GFUS: variants seen among roughly 807,000 people sequenced by gnomAD.
GFUS encodes 3-5 epimerase/4-reductase.
Under a neutral mutation model 41.5 loss-of-function variants are expected in GFUS, and 42 were observed. The observed-to-expected ratio is 1.01, with a 90% confidence interval of 0.79 to 1.31. The LOEUF is 1.31. GFUS is among the 50% of genes most tolerant of loss of function. The pLI, the probability that GFUS is intolerant of heterozygous loss-of-function variation, is 0.00. For missense variants in GFUS, 437 were observed against 428.7 expected, an observed-to-expected ratio of 1.02 and a Z score of -0.17; for synonymous variants, 188 against 173.4, an observed-to-expected ratio of 1.08 and a Z score of -0.66.
chr8:143,614,285 T>A (rs1426948781), intron 6 of GFUS, 35 bp downstream of exon 6: 2 of 1,613,674 alleles, frequency 1.2e-6, no homozygotes, highest in African/African-American at 1.3e-5. Flanking sequence ...CCTCCCGAGC[T>A]GAGCCCGGGC....
Position 143,612,653 on chromosome 8 carries a change from T to C in GFUS, c.*257A>G, listed in dbSNP as rs1161769969. ...ATGCACTTTATTGGCTCCCAGGGAG[T>C]GGGATGCAGGATCAGAGTGGACACG... On this transcript the variant is annotated 3_prime_UTR_variant, in exon 11 of 11. Transcript: ENST00000425753. The C allele has an allele frequency of 3.8e-5, 22 of 582,704 alleles. No individual in the cohort carries two copies. The highest frequency in any genetic ancestry group is 4.5e-4 in the Middle Eastern group (1 of 2,198). The allele number at this position is 582,704 out of a possible 1,614,324, so 36.1% of individuals were successfully genotyped here. A position where few individuals can be genotyped will look rare whatever the true frequency, so the allele number is the denominator to read the frequency against.
In GFUS at chr8:143,616,697, C is replaced by T; in HGVS notation, c.16G>A (p.Gly6Arg). The T allele has an allele frequency of 6.2e-7, 1 of 1,613,608 alleles. No homozygotes were observed. The highest frequency in any genetic ancestry group is 1.1e-5 in the South Asian group (1 of 91,080). The change falls in exon 2 of 11, where the codon GGA becomes AGA. Residue 6 changes from glycine to arginine, a missense_variant. Physicochemically the swap from Gly to Arg is moderately radical, Grantham distance 125. Coordinates refer to ENST00000425753, the MANE Select transcript of GFUS (RefSeq NM_003313.4). ...CCTGTCACTAGAATCCGCATGGATC[C>T]CTGGGGTTCACCCATGTCAGTTGCA... MGEPQGSMRILVTGGS... is the reference protein window; with the variant it reads MGEPQRSMRILVTGGS...
At chr8:143,616,868 A>C in intron 1 of GFUS, 145 bp from the exon 2 acceptor site, 1 of 958,992 alleles carries the variant, frequency 1.0e-6, no homozygotes, top group South Asian at 1.5e-5. Flanking sequence ...GGACCGAGGC[A>C]CTCCCTCGTC....
rs1297153654 is a variant in GFUS, at chr8:143,614,608, G to A, written c.464+16C>T. Reference sequence around the variant, plus strand: ...CCCGACTCCTGGCTGGGCCTCAGCAGGATGGGCGCGAGGACCTGTTCTGCA... The same window carrying A: ...CCCGACTCCTGGCTGGGCCTCAGCAAGATGGGCGCGAGGACCTGTTCTGCA... On this transcript the variant is annotated intron_variant, in intron 5 of 10. Transcript: ENST00000425753. The A allele has an allele frequency of 6.4e-7, 1 of 1,574,738 alleles. No individual in the cohort carries two copies. Among genetic ancestry groups the A allele is most frequent in the African/African-American group, 1.3e-5 (1 of 74,530 alleles).
At chr8:143,617,041 G>A (rs912732598) in intron 1 of GFUS, 4 of 362,888 alleles carry the variant, frequency 1.1e-5, no homozygotes, top group African/African-American at 8.1e-5. Context: ...GACAACCTTG[G>A]GACGGGGGCT....
At chr8:143,617,978 C>G (rs953075367), upstream of GFUS, 1 of 152,288 alleles carries the variant, frequency 6.6e-6, no homozygotes, top group Non-Finnish European at 1.5e-5. Flanking sequence ...CCCGGGTTGT[C>G]GTCCCAAGCA....
intron 1 of GFUS, 120 bp from the exon 2 acceptor site, chr8:143,616,843 CAG>C: frequency 8.3e-7 from 1 of 1,211,458 alleles, no homozygotes; most frequent in South Asian, 1.3e-5. Flanking sequence ...CACTGGCAAC[CAG>C]AAAGACCCAG....
Position 143,614,839 on chromosome 8 carries a change from A to G in GFUS, c.338T>C (p.Leu113Pro). The G allele has an allele frequency of 6.2e-7, 1 of 1,613,796 alleles. No homozygotes were observed. The highest frequency in any genetic ancestry group is 8.5e-7 in the Non-Finnish European group (1 of 1,179,982). ...EVGARKVVSC[L>P]STCIFPDKTT... The stretch of plus-strand genomic sequence containing the variant: ...CTTGTCAGGGAAGATACAGGTGGAC[A>G]GGCAGGACACCACCTTGCGGGCGCC... Residue 113 changes from leucine to proline, a missense_variant, in exon 4 of 11, where the codon CTG (leucine) becomes CCG (proline). Leu to Pro is a moderately conservative substitution (Grantham distance 98, BLOSUM62 -3). Coordinates refer to ENST00000425753, the MANE Select transcript of GFUS (RefSeq NM_003313.4).
At chr8:143,613,097 G>A (rs1829617291) in intron 10 of GFUS, 99 bp downstream of exon 10, 1 of 1,533,864 alleles carries the variant, frequency 6.5e-7, no homozygotes, top group Non-Finnish European at 9.0e-7. Context: ...GGGCAGTACA[G>A]GCTCTGAGGG....
In GFUS at chr8:143,616,716, AG is replaced by A; in HGVS notation, c.-5del. 2 of 1,613,562 alleles carry A rather than the reference AG, an allele frequency of 1.2e-6. No homozygotes were observed. Among genetic ancestry groups the A allele is most frequent in the African/African-American group, 2.7e-5 (2 of 74,980 alleles). The stretch of plus-strand genomic sequence containing the variant: ...TGGATCCCTGGGGTTCACCCATGTC[AG>A]TTGCACCTGTAATGTCAAACAGTGG... On this transcript the variant is annotated 5_prime_UTR_variant, in exon 2 of 11. The change creates a new upstream start codon in the 5' untranslated region. Coordinates refer to ENST00000425753, the MANE Select transcript of GFUS (RefSeq NM_003313.4).
At position 143,616,125 on chromosome 8, in the gene GFUS, T is replaced by G. The variant is rs1829718018; in HGVS notation, c.242A>C (p.Lys81Thr). 6 of 1,603,830 alleles carry G rather than the reference T, an allele frequency of 3.7e-6. No homozygotes were observed. The African/African-American group carries it at 5.4e-5, about 14-fold the overall frequency. The change falls in exon 3 of 11, where the codon AAA (lysine) becomes ACA (threonine). Residue 81 changes from lysine (K) to threonine (T), a missense_variant. By Grantham distance (78) the Lys-to-Thr change is moderately conservative. Transcript: ENST00000425753. The part of the protein sequence containing the change: ...AMVGGLFRNI[K>T]YNLDFWRKNV... ...ACTTACCCAGAAGTCCAAATTGTAT[T>G]TGATATTCCGGAACAGGCCCCCCAC...
intron 7 of GFUS, 37 bp from the exon 8 acceptor site, chr8:143,613,854 A>G (rs374108948): frequency 3.9e-5 from 61 of 1,548,452 alleles, no homozygotes; most frequent in Non-Finnish European, 4.3e-5. Flanking sequence ...GACCATGGGT[A>G]TAGCCAACCC....
At chr8:143,615,441 T>C (rs992789066) in intron 3 of GFUS, among the ~76,000 whole-genome samples, 1 of 151,444 alleles carries the variant, frequency 6.6e-6, no homozygotes, top group African/African-American at 2.4e-5. Flanking sequence ...AAGGGAGAGG[T>C]GGTGGCCAGG....
chr8:143,616,517 T>TG (rs1563688465), intron 2 of GFUS, 50 bp downstream of exon 2: 1 of 1,611,856 alleles, frequency 6.2e-7, no homozygotes, highest in Non-Finnish European at 8.5e-7. Flanking sequence ...AGTTCTAGGG[T>TG]GGGGGGTAGG....
chr8:143,613,649 G>A (rs371092839), intron 8 of GFUS, 46 bp from the exon 9 acceptor site: 171 of 1,602,296 alleles, frequency 1.1e-4, no homozygotes, highest in Middle Eastern at 9.9e-4. Flanking sequence ...GCCACCCGAC[G>A]GCCCATGAAT....
At chr8:143,613,068 C>G in intron 10 of GFUS, 103 bp from the exon 11 acceptor site, 2 of 1,559,518 alleles carry the variant, frequency 1.3e-6, no homozygotes, top group Non-Finnish European at 1.8e-6. Flanking sequence ...CCCCTCAGAG[C>G]TTTGGTGTCC....
intron 7 of GFUS, 26 bp from the exon 8 acceptor site, chr8:143,613,843 A>T: frequency 3.2e-6 from 5 of 1,550,346 alleles, no homozygotes; most frequent in Non-Finnish European, 4.4e-6. Context: ...GCAGGGTCAG[A>T]GACCATGGGT....
chr8:143,616,178 G>C lies in GFUS; in HGVS notation c.189C>G (p.Pro63=). 5 of 1,613,952 alleles carry C rather than the reference G, an allele frequency of 3.1e-6. No individual in the cohort carries two copies. The highest frequency in any genetic ancestry group is 4.2e-6 in the Non-Finnish European group (5 of 1,179,908). Reference sequence around the variant, plus strand: ...TTGCAGCAAGATGGATGACGTGTGTGGGTTGGACCTTCTCAAACAGGGCGC... The same window carrying C: ...TTGCAGCAAGATGGATGACGTGTGTCGGTTGGACCTTCTCAAACAGGGCGC... The part of the protein sequence containing the change: ...QTRALFEKVQ[P]THVIHLAAMV... Residue 63 remains proline (P), a synonymous_variant, in exon 3 of 11, where the codon CCC becomes CCG. Coordinates refer to ENST00000425753, the MANE Select transcript of GFUS (RefSeq NM_003313.4).
At position 143,614,388 on chromosome 8, in the gene GFUS, TG is replaced by T; in HGVS notation, c.529del (p.His177ThrfsTer29). ...GCCATCCTCGATGTTGAAGTTGTCG[TG>T]GGGCCCGAAGACGTTGGTGGGGATG... ...AVIPTNVFGPHDNFNIEDGHV... is the reference protein window; with the variant it reads ...AVIPTNVFGPXDNFNIEDGHV... On this transcript the variant is annotated frameshift_variant, in exon 6 of 11. Coordinates refer to ENST00000425753, the MANE Select transcript of GFUS (RefSeq NM_003313.4). LOFTEE classifies it high-confidence loss of function. 6.2e-7 allele frequency: 1 copy of T among 1,613,928 alleles called. No individual in the cohort carries two copies. The highest frequency in any genetic ancestry group is 8.5e-7 in the Non-Finnish European group (1 of 1,179,974).
Sources: allele counts gnomAD v4.1 joint callset (sites outside exome capture counted in the v4.1 genomes callset), GRCh38; gene constraint gnomAD v4.1.1; transcripts MANE v1.5; gene names NCBI Gene and HGNC (gene_info 2026-07-23, HGNC 2026-07-21).